Variants in KCNIP4 observed in about 807,000 individuals in gnomAD.
The protein encoded by KCNIP4 is Kv channel-interacting protein 4.
KCNIP4 carries 12 observed loss-of-function variants against 34.0 expected under a neutral mutation model. The observed-to-expected ratio is 0.35, with a 90% CI of 0.23 to 0.57. The LOEUF is 0.57. KCNIP4 is among the 20% of genes least tolerant of loss of function. The pLI, the probability that KCNIP4 is intolerant of heterozygous loss-of-function variation, is 0.83. For synonymous variants in KCNIP4, 124 were observed against 102.2 expected (o/e 1.21, Z -1.29); for missense variants, 238 against 311.7 (o/e 0.76, Z 1.78).
At chr4:20,875,904 A>G (rs1422514903) in intron 2 of KCNIP4, among the ~76,000 whole-genome samples, 1 of 152,226 alleles carries the variant, frequency 6.6e-6, no homozygotes, top group Non-Finnish European at 1.5e-5. Flanking sequence ...CTGAAATGTT[A>G]TGGTATATTT....
chr4:21,176,150 T>C (rs1196417381), intron 1 of KCNIP4, among the ~76,000 whole-genome samples: 1 of 152,240 alleles, frequency 6.6e-6, no homozygotes, highest in East Asian at 1.9e-4. Context: ...GTTTTTCTCA[T>C]ATGGACTTAA....
chr4:21,476,375 C>T (rs1730975730), intron 1 of KCNIP4, among the ~76,000 whole-genome samples: 2 of 152,094 alleles, frequency 1.3e-5, no homozygotes, highest in Non-Finnish European at 2.9e-5. Flanking sequence ...GGAGTTAGGG[C>T]TTTTAGGAGA....
chr4:21,648,134 A>G (rs945726196), intron 1 of KCNIP4, among the ~76,000 whole-genome samples: 6 of 151,864 alleles, frequency 4.0e-5, no homozygotes, highest in Non-Finnish European at 8.8e-5. Context: ...CGGCCTCCCA[A>G]AGTGCTGGGA....
chr4:21,282,192 G>T (rs1762818428), intron 1 of KCNIP4, among the ~76,000 whole-genome samples: 1 of 152,100 alleles, frequency 6.6e-6, no homozygotes, highest in Admixed American at 6.6e-5. Context: ...AATTGCACTA[G>T]CAAATCTACA....
intron 1 of KCNIP4, among the ~76,000 whole-genome samples, chr4:21,235,219 T>G (rs1759268666): frequency 6.6e-6 from 1 of 152,258 alleles, no homozygotes; most frequent in South Asian, 2.1e-4. Flanking sequence ...CTGTTGAGGT[T>G]AATGAAAATA....
At chr4:21,457,433 C>T (rs999752696) in intron 1 of KCNIP4, among the ~76,000 whole-genome samples, 1 of 151,934 alleles carries the variant, frequency 6.6e-6, no homozygotes, top group Non-Finnish European at 1.5e-5. Flanking sequence ...TCTCAGTGGG[C>T]AATATTTTCA....
intron 1 of KCNIP4, among the ~76,000 whole-genome samples, chr4:21,407,594 A>G (rs1318590691): frequency 6.6e-6 from 1 of 152,172 alleles, no homozygotes. Flanking sequence ...GAGCAGCTAA[A>G]TATCTTAAGC....
rs562971154 is a variant in KCNIP4 at position 21,307,256 on chromosome 4, A to G, written c.62-424547T>C. On this transcript the variant is annotated intron_variant, in intron 1 of 8. Transcript: ENST00000382152. Reference sequence around the variant, plus strand: ...GGCCTGAGGGTTTTTCTTTTTTTAAATGTTTATGTCATTAGCTCCAGCCTT... The same window carrying G: ...GGCCTGAGGGTTTTTCTTTTTTTAAGTGTTTATGTCATTAGCTCCAGCCTT... 1.3e-3 allele frequency among the ~76,000 whole-genome samples: 192 copies of G among 152,060 alleles called. 1 individual carries two copies. The highest frequency in any genetic ancestry group is 3.6e-3 in the Admixed American group (55 of 15,276).
chr4:21,140,494 C>T lies in KCNIP4; in HGVS notation c.62-257785G>A, dbSNP rs146963305. Among the ~76,000 whole-genome samples the T allele has an allele frequency of 1.2e-4, 19 of 152,174 alleles. No homozygotes were observed. In the East Asian group the frequency reaches 2.7e-3, roughly 22 times the overall value. On this transcript the variant is annotated intron_variant, in intron 1 of 8. Coordinates refer to ENST00000382152, the MANE Select transcript of KCNIP4 (RefSeq NM_025221.6). ...AAAGGATTGCACAATGTTAACATAA[C>T]GCACCTCCTCTGTGCCTCGATTTTA...
chr4:20,930,859 G>A (rs972592850), intron 1 of KCNIP4, among the ~76,000 whole-genome samples: 4 of 150,174 alleles, frequency 2.7e-5, no homozygotes, highest in Non-Finnish European at 3.0e-5. Context: ...AAAGACAAGA[G>A]GTTACTGCTG....
chr4:21,835,379 A>T (rs912287043), intron 1 of KCNIP4, among the ~76,000 whole-genome samples: 3 of 152,130 alleles, frequency 2.0e-5, no homozygotes, highest in South Asian at 4.1e-4. Flanking sequence ...GATCAATCTC[A>T]TTAGCAATTT....
At chr4:21,798,331 T>A (rs1210028789) in intron 1 of KCNIP4, among the ~76,000 whole-genome samples, 1 of 149,930 alleles carries the variant, frequency 6.7e-6, no homozygotes, top group East Asian at 2.0e-4. Flanking sequence ...GTGGGAAGAT[T>A]GCTTGAGCTC....
At chr4:21,611,441 C>A (rs1022000857) in intron 1 of KCNIP4, among the ~76,000 whole-genome samples, 2 of 152,110 alleles carry the variant, frequency 1.3e-5, no homozygotes, top group African/African-American at 4.8e-5. Context: ...AATCACCTCC[C>A]ATCAAGTCTC....
At chr4:20,979,716 C>T (rs1353379039) in intron 1 of KCNIP4, among the ~76,000 whole-genome samples, 1 of 151,942 alleles carries the variant, frequency 6.6e-6, no homozygotes, top group African/African-American at 2.4e-5. Context: ...ACTTTCTTAC[C>T]TGTGAACTCA....
chr4:21,046,376 A>C (rs1033084032), intron 1 of KCNIP4, among the ~76,000 whole-genome samples: 1 of 152,182 alleles, frequency 6.6e-6, no homozygotes, highest in African/African-American at 2.4e-5. Context: ...TGTATTATGC[A>C]ATATACATCC....
At chr4:21,063,693 C>A (rs1054225322) in intron 1 of KCNIP4, among the ~76,000 whole-genome samples, 2 of 151,770 alleles carry the variant, frequency 1.3e-5, no homozygotes, top group African/African-American at 4.8e-5. Context: ...ACTTTTAAAT[C>A]AAAATTGAGA....
At chr4:21,289,335 A>C (rs1763299424) in intron 1 of KCNIP4, among the ~76,000 whole-genome samples, 1 of 152,164 alleles carries the variant, frequency 6.6e-6, no homozygotes, top group South Asian at 2.1e-4. Flanking sequence ...AAAATATAGA[A>C]TAAATTATTG....
At chr4:21,861,552 C>T (rs4697242) in intron 1 of KCNIP4, among the ~76,000 whole-genome samples, 1 of 151,230 alleles carries the variant, frequency 6.6e-6, no homozygotes, top group East Asian at 2.0e-4. Flanking sequence ...TTGGGAGGCT[C>T]AGGCAGGAGA....
rs541137674 is a variant in KCNIP4, at chr4:21,456,649, T to C, written c.61+491922A>G. Among the ~76,000 whole-genome samples the C allele has an allele frequency of 2.7e-5, 4 of 148,058 alleles. 1 individual carries two copies. The South Asian group carries it at 8.4e-4, about 31-fold the overall frequency. On this transcript the variant is annotated intron_variant, in intron 1 of 8. Coordinates refer to ENST00000382152, the MANE Select transcript of KCNIP4 (RefSeq NM_025221.6). ...TTAAGGAAATGTTTGAATCAACATC[T>C]AAGAAAAATTGGTTTGCCCAGTAAG...
Sources: gnomAD v4.1 joint callset for allele counts (sites outside exome capture counted in the v4.1 genomes callset) on GRCh38, gnomAD v4.1.1 for gene constraint, MANE v1.5 for transcripts, NCBI Gene and HGNC (gene_info 2026-07-23, HGNC 2026-07-21) for gene names.